CAMTA1: variants seen among roughly 807,000 people sequenced by gnomAD.
CAMTA1 encodes calmodulin binding transcription activator 1, also known as calmodulin-binding transcription activator 1.
In CAMTA1, 27 loss-of-function variants were observed where a neutral mutation model predicts 170.9. That is an observed-to-expected ratio of 0.16 (90% CI 0.12 to 0.22). The LOEUF (loss-of-function observed/expected upper bound fraction) is 0.22, where lower values mean the gene tolerates loss of function less well. CAMTA1 is among the 10% of genes least tolerant of loss of function. The probability of loss-of-function intolerance (pLI) is 1.00; values close to 1 mark genes in which losing one functional copy is unlikely to be tolerated. For synonymous variants in CAMTA1, 833 were observed against 891.5 expected (o/e 0.93, Z 1.17); for missense variants, 1,619 against 2,217.2 (o/e 0.73, Z 5.42).
intron 3 of CAMTA1, among the ~76,000 whole-genome samples, chr1:6,833,543 G>T (rs904500338): frequency 6.6e-6 from 1 of 152,110 alleles, no homozygotes; most frequent in African/African-American, 2.4e-5. Context: ...TCTCAAGCAG[G>T]TTCTTTTGAA....
chr1:7,743,588 G>A lies in CAMTA1; in HGVS notation c.4183-1247G>A, dbSNP rs938566909. Among the ~76,000 whole-genome samples, 5 of 152,032 alleles carry A rather than the reference G, an allele frequency of 3.3e-5. No homozygotes were observed. The East Asian group carries it at 7.7e-4, about 23-fold the overall frequency. Reference sequence around the variant, plus strand: ...AATCATGCACCATGCAGCCCACTGCGGCTGTTTCCACTTAGCAGGATGTTG... The same window carrying A: ...AATCATGCACCATGCAGCCCACTGCAGCTGTTTCCACTTAGCAGGATGTTG... On this transcript the variant is annotated intron_variant, in intron 16 of 22. Transcript: ENST00000303635.
At chr1:7,054,327 G>T (rs1228166997) in intron 3 of CAMTA1, among the ~76,000 whole-genome samples, 5 of 152,266 alleles carry the variant, frequency 3.3e-5, no homozygotes, top group African/African-American at 1.2e-4. Context: ...GGGTTTCTAT[G>T]ACGAGAAGCA....
intron 3 of CAMTA1, among the ~76,000 whole-genome samples, chr1:7,033,841 C>A (rs140323399): frequency 2.5e-3 from 374 of 152,148 alleles, no homozygotes; most frequent in African/African-American, 7.6e-3. Context: ...TGATCCACCC[C>A]CTTTGGCCTC....
rs557647912 is a variant in CAMTA1, at chr1:7,510,921, T to A, written c.510+43020T>A. Among the ~76,000 whole-genome samples the A allele has an allele frequency of 6.1e-4, 89 of 145,194 alleles. 9 individuals carry two copies. The South Asian group carries it at 0.02, about 32-fold the overall frequency. On this transcript the variant is annotated intron_variant, in intron 6 of 22. Coordinates refer to ENST00000303635, the MANE Select transcript of CAMTA1 (RefSeq NM_015215.4). ...TTTGCCAGCGTGACCCTGCCCCATC[T>A]GCCTGTCCACATCCTACACCCTCCA...
chr1:7,632,207 A>C (rs1005610551), intron 6 of CAMTA1, among the ~76,000 whole-genome samples: 13 of 152,232 alleles, frequency 8.5e-5, no homozygotes, highest in African/African-American at 3.1e-4. Context: ...AATGGTGCTA[A>C]TATGACAAAT....
intron 4 of CAMTA1, among the ~76,000 whole-genome samples, chr1:7,214,855 C>CTT (rs1353496472): frequency 7.6e-5 from 6 of 79,352 alleles, no homozygotes; most frequent in African/African-American, 1.5e-4. Context: ...CTTTTTCTTT[C>CTT]TTTCTTTTTT....
intron 4 of CAMTA1, among the ~76,000 whole-genome samples, chr1:7,135,729 C>T (rs1030760250): frequency 1.3e-5 from 2 of 152,136 alleles, no homozygotes; most frequent in African/African-American, 4.8e-5. Flanking sequence ...TCCCTCATTC[C>T]TTGAAGATTT....
chr1:7,668,693 G>C (rs982151378), intron 9 of CAMTA1, among the ~76,000 whole-genome samples: 1 of 152,210 alleles, frequency 6.6e-6, no homozygotes, highest in Non-Finnish European at 1.5e-5. Context: ...ACCATCCCTT[G>C]AATGGATGGA....
At chr1:7,274,513 T>C (rs7528998) in intron 5 of CAMTA1, among the ~76,000 whole-genome samples, 123,734 of 152,090 alleles carry the variant, frequency 0.81, 50,738 homozygotes, top group Admixed American at 0.87. Flanking sequence ...TGGGAGATTC[T>C]TTTCTCAGTG....
At chr1:7,417,103 C>T (rs1273738101) in intron 5 of CAMTA1, among the ~76,000 whole-genome samples, 1 of 152,226 alleles carries the variant, frequency 6.6e-6, no homozygotes. Context: ...TTTTCGTGAA[C>T]CGCAAATGCT....
intron 19 of CAMTA1, among the ~76,000 whole-genome samples, chr1:7,750,299 C>T (rs1453213524): frequency 6.6e-6 from 1 of 152,230 alleles, no homozygotes; most frequent in Non-Finnish European, 1.5e-5. Context: ...TTCACCTCCT[C>T]ATACATCCAG....
At position 7,425,553 on chromosome 1, in the gene CAMTA1, G is replaced by A. The variant is rs543476483; in HGVS notation, c.439-42277G>A. ...ATAAAGGGAGAGTGTGAATGAGGCT[G>A]CCAGGTGGGAAGCTATGGGTCGGGG... On this transcript the variant is annotated intron_variant, in intron 5 of 22. Coordinates refer to ENST00000303635, the MANE Select transcript of CAMTA1 (RefSeq NM_015215.4). 2.0e-5 allele frequency among the ~76,000 whole-genome samples: 3 copies of A among 152,244 alleles called. No homozygotes were observed. In the South Asian group the frequency reaches 6.2e-4, roughly 32 times the overall value.
intron 11 of CAMTA1, among the ~76,000 whole-genome samples, chr1:7,687,979 C>T (rs1236320575): frequency 1.3e-5 from 2 of 148,486 alleles, no homozygotes; most frequent in Admixed American, 1.3e-4. Context: ...CGCCCCAGCT[C>T]CTAAATCGAT....
intron 4 of CAMTA1, among the ~76,000 whole-genome samples, chr1:7,159,471 GTGC>G (rs1405259165): frequency 6.6e-6 from 1 of 152,056 alleles, no homozygotes; most frequent in Admixed American, 6.6e-5. Context: ...ACTTCCCTGT[GTGC>G]CTTCCGTTCT....
rs1995844 is a variant in CAMTA1 at position 6,864,558 on chromosome 1, G to A, written c.234+39348G>A. Reference sequence around the variant, plus strand: ...TGTCACCTCTCTCATCTCCTGCCAAGCCCCTCTCGCCTTGTCCTCTGTTCC... The same window carrying A: ...TGTCACCTCTCTCATCTCCTGCCAAACCCCTCTCGCCTTGTCCTCTGTTCC... On this transcript the variant is annotated intron_variant, in intron 3 of 22. Coordinates refer to ENST00000303635, the MANE Select transcript of CAMTA1 (RefSeq NM_015215.4). Among the ~76,000 whole-genome samples, 127 of 152,236 alleles carry A rather than the reference G, an allele frequency of 8.3e-4. 1 individual carries two copies. In the East Asian group the frequency reaches 0.023, roughly 27 times the overall value.
chr1:6,917,212 G>A (rs1201486362), intron 3 of CAMTA1, among the ~76,000 whole-genome samples: 1 of 152,170 alleles, frequency 6.6e-6, no homozygotes, highest in East Asian at 1.9e-4. Flanking sequence ...CATGACACTG[G>A]AGGAAGCCAG....
intron 7 of CAMTA1, among the ~76,000 whole-genome samples, chr1:7,654,324 G>A (rs1376798992): frequency 6.6e-6 from 1 of 151,998 alleles, no homozygotes; most frequent in Non-Finnish European, 1.5e-5. Context: ...AGGTTGCAGT[G>A]AGCTCAGATT....
chr1:7,502,794 G>T (rs1048758239), intron 6 of CAMTA1, among the ~76,000 whole-genome samples: 1 of 152,216 alleles, frequency 6.6e-6, no homozygotes, highest in South Asian at 2.1e-4. Context: ...CTTAGTGGGG[G>T]ATGTGTAGTA....
rs376446298 is a variant in CAMTA1, at chr1:7,752,274, C to G, written c.4884-185C>G. On this transcript the variant is annotated intron_variant, in intron 20 of 22. Coordinates refer to ENST00000303635, the MANE Select transcript of CAMTA1 (RefSeq NM_015215.4). The stretch of plus-strand genomic sequence containing the variant: ...CCCTCCTTTCTCCTCTAGTGATGCC[C>G]GGACTCGATACTATGGGAACAGCAT... Among the ~76,000 whole-genome samples, 3 of 152,228 alleles carry G rather than the reference C, an allele frequency of 2.0e-5. No individual in the cohort carries two copies. The South Asian group carries it at 6.2e-4, about 32-fold the overall frequency.
Sources: allele counts gnomAD v4.1 joint callset (sites outside exome capture counted in the v4.1 genomes callset), GRCh38; gene constraint gnomAD v4.1.1; transcripts MANE v1.5; gene names NCBI Gene and HGNC (gene_info 2026-07-23, HGNC 2026-07-21).